CHD6: variants seen among roughly 807,000 people sequenced by gnomAD.
CHD6 encodes ATP-dependent chromatin remodeler CHD6.
CHD6 carries 50 observed loss-of-function variants against 276.9 expected under a neutral mutation model. The observed-to-expected ratio is 0.18, with a 90% CI of 0.14 to 0.23. The LOEUF (loss-of-function observed/expected upper bound fraction) is 0.23. Among genes scored for constraint, CHD6 ranks in the 10% least tolerant of loss-of-function variants. The pLI is 1.00. For synonymous variants in CHD6, 1,173 were observed against 1,229.3 expected, an observed-to-expected ratio of 0.95 and a Z score of 0.96; for missense variants, 2,564 against 3,365.8, an observed-to-expected ratio of 0.76 and a Z score of 5.89.
intron 1 of CHD6, among the ~76,000 whole-genome samples, chr20:41,577,619 A>G (rs1182108252): frequency 6.6e-6 from 1 of 152,280 alleles, no homozygotes; most frequent in African/African-American, 2.4e-5. Flanking sequence ...CACACTACAC[A>G]TATGTGTAAA....
At chr20:41,582,610 A>C (rs1476044662) in intron 1 of CHD6, among the ~76,000 whole-genome samples, 1 of 152,234 alleles carries the variant, frequency 6.6e-6, no homozygotes, top group African/African-American at 2.4e-5. Flanking sequence ...ATGAAAAAGC[A>C]AAAGCAGGGA....
At chr20:41,576,349 G>T (rs1378379450) in intron 1 of CHD6, among the ~76,000 whole-genome samples, 1 of 152,172 alleles carries the variant, frequency 6.6e-6, no homozygotes, top group Non-Finnish European at 1.5e-5. Context: ...AATCCCTTGA[G>T]GCCTTTACTG....
intron 3 of CHD6, among the ~76,000 whole-genome samples, chr20:41,518,561 A>G (rs1048874313): frequency 1.3e-5 from 2 of 152,170 alleles, no homozygotes; most frequent in African/African-American, 4.8e-5. Context: ...ACTTTCTCAA[A>G]TATTTGTCAG....
At chr20:41,483,608 T>G (rs1346700771) in intron 15 of CHD6, 89 bp from the exon 16 acceptor site, 2 of 997,646 alleles carry the variant, frequency 2.0e-6, no homozygotes, top group Admixed American at 2.7e-5. Context: ...AAAAATGAAG[T>G]GAATTCTTAG....
intron 3 of CHD6, among the ~76,000 whole-genome samples, chr20:41,522,611 G>A (rs547468834): frequency 2.0e-4 from 31 of 152,174 alleles, no homozygotes; most frequent in African/African-American, 6.5e-4. Flanking sequence ...CCTGACATAC[G>A]TAACTTGTTT....
chr20:41,499,477 G>A, intron 5 of CHD6, 120 bp from the exon 6 acceptor site: 1 of 754,764 alleles, frequency 1.3e-6, no homozygotes, highest in Non-Finnish European at 2.1e-6. Context: ...TGAGTACCAA[G>A]GCCTCCCATC....
intron 22 of CHD6, among the ~76,000 whole-genome samples, chr20:41,451,317 AG>A (rs2048233190): frequency 6.6e-6 from 1 of 152,226 alleles, no homozygotes; most frequent in African/African-American, 2.4e-5. Context: ...AGGACCATTT[AG>A]TTTGTCAGTA....
intron 1 of CHD6, among the ~76,000 whole-genome samples, chr20:41,596,961 T>C (rs1344184442): frequency 6.6e-6 from 1 of 152,146 alleles, no homozygotes; most frequent in Non-Finnish European, 1.5e-5. Context: ...AAAATCATGC[T>C]GTCCGCTCTA....
rs752999113 is a variant in CHD6 at position 41,549,106 on chromosome 20, C to G, written c.33+2199G>C. ...GTGGCGATTCCTCAGGGATCTAGAA[C>G]TAGAAATACCATTTGACCCAGCCAT... On this transcript the variant is annotated intron_variant, in intron 2 of 36. Coordinates refer to ENST00000373233, the MANE Select transcript of CHD6 (RefSeq NM_032221.5). Among the ~76,000 whole-genome samples the G allele has an allele frequency of 4.0e-3, 602 of 151,966 alleles. 5 individuals carry two copies. Among genetic ancestry groups the G allele is most frequent in the South Asian group, 0.03 (144 of 4,806 alleles).
chr20:41,609,771 T>TA (rs1365367788), intron 1 of CHD6, among the ~76,000 whole-genome samples: 2 of 152,184 alleles, frequency 1.3e-5, no homozygotes, highest in African/African-American at 4.8e-5. Flanking sequence ...GCTGTATGAT[T>TA]AGACTCACTT....
Position 41,608,790 on chromosome 20 carries a change from G to GT in CHD6, c.-24+9549dup, listed in dbSNP as rs1368933563. ...GAATCTAGTAATGATGGTGACCTGT[G>GT]TAAGACCCGATAACACTTAAATCTG... On this transcript the variant is annotated intron_variant, in intron 1 of 36. Coordinates refer to ENST00000373233, the MANE Select transcript of CHD6 (RefSeq NM_032221.5). Among the ~76,000 whole-genome samples the GT allele has an allele frequency of 4.6e-5, 7 of 152,298 alleles. No individual in the cohort carries two copies. In the East Asian group the frequency reaches 1.3e-3, roughly 29 times the overall value.
At chr20:41,461,249 T>C (rs1302085000) in intron 17 of CHD6, among the ~76,000 whole-genome samples, 1 of 152,174 alleles carries the variant, frequency 6.6e-6, no homozygotes. Flanking sequence ...ACTGTGGACT[T>C]TTGGGTTAAT....
intron 3 of CHD6, among the ~76,000 whole-genome samples, chr20:41,532,392 C>A (rs1006610811): frequency 1.3e-5 from 2 of 152,178 alleles, no homozygotes; most frequent in Admixed American, 6.5e-5. Context: ...TGCATACTGA[C>A]GGCTCTCTCA....
chr20:41,460,568 C>T (rs1488644056), intron 17 of CHD6, among the ~76,000 whole-genome samples: 1 of 152,222 alleles, frequency 6.6e-6, no homozygotes, highest in Non-Finnish European at 1.5e-5. Flanking sequence ...CAGGCTGTGG[C>T]TTCAGAGGGT....
In CHD6 at chr20:41,512,985, G is replaced by T; in HGVS notation, c.713C>A (p.Ser238Ter). ...TTTTCTGCGCTTTACTTGCCTTCCC[G>T]AGCGTCGTTTCTGTAGGGCAAACAC... The part of the protein sequence containing the change: ...TESTDSQKRR[S>*]GRQVKRRKYN... The change falls in exon 5 of 37, where the codon TCG becomes TAG. Residue 238 changes from serine to a stop codon, truncating the protein, a stop_gained. Transcript: ENST00000373233. LOFTEE classifies it high-confidence loss of function. 1 of 1,613,942 alleles carries T rather than the reference G, an allele frequency of 6.2e-7. No homozygotes were observed. The highest frequency in any genetic ancestry group is 1.1e-5 in the South Asian group (1 of 91,056).
intron 17 of CHD6, among the ~76,000 whole-genome samples, chr20:41,467,364 G>A: frequency 6.6e-6 from 1 of 152,074 alleles, no homozygotes; most frequent in East Asian, 1.9e-4. Flanking sequence ...CAAGGGAAAT[G>A]CATCAGCAAA....
At chr20:41,467,074 T>C (rs2042937714) in intron 17 of CHD6, among the ~76,000 whole-genome samples, 1 of 152,152 alleles carries the variant, frequency 6.6e-6, no homozygotes, top group Non-Finnish European at 1.5e-5. Flanking sequence ...ACCTCACTAG[T>C]CCTCAACTGC....
Position 41,520,636 on chromosome 20 carries a change from C to G in CHD6, c.555-5684G>C, listed in dbSNP as rs1032406938. Reference sequence around the variant, plus strand: ...ACTGAACAATGAGAACACATGGACACAGGAAGGGGAACATCACACACCGGG... The same window carrying G: ...ACTGAACAATGAGAACACATGGACAGAGGAAGGGGAACATCACACACCGGG... On this transcript the variant is annotated intron_variant, in intron 3 of 36. Transcript: ENST00000373233. Among the ~76,000 whole-genome samples the G allele has an allele frequency of 1.6e-3, 209 of 132,150 alleles. 1 individual carries two copies. The highest frequency in any genetic ancestry group is 9.8e-3 in the Middle Eastern group (2 of 204). 86.7% of individuals were successfully genotyped at this position (132,150 alleles called of 152,430 possible).
chr20:41,578,267 C>T (rs1002426187), intron 1 of CHD6, among the ~76,000 whole-genome samples: 2 of 151,760 alleles, frequency 1.3e-5, no homozygotes, highest in African/African-American at 4.8e-5. Flanking sequence ...CATTCAAAAA[C>T]AAATAGAGGA....
Sources: gnomAD v4.1 joint callset for allele counts (sites outside exome capture counted in the v4.1 genomes callset) on GRCh38, gnomAD v4.1.1 for gene constraint, MANE v1.5 for transcripts, NCBI Gene and HGNC (gene_info 2026-07-23, HGNC 2026-07-21) for gene names.